The following KBTBD11 variants were observed in gnomAD, a reference collection of about 807,000 sequenced individuals.
The protein encoded by KBTBD11 is kelch repeat and BTB domain containing 11, also known as kelch repeat and BTB domain-containing protein 11.
For missense variants in KBTBD11, 1,390 were observed against 1,001.8 expected, an observed-to-expected ratio of 1.39 and a Z score of -5.23; for synonymous variants, 747 against 499.0, an observed-to-expected ratio of 1.50 and a Z score of -6.63.
intron 1 of KBTBD11, among the ~76,000 whole-genome samples, chr8:1,982,745 CTTT>C (rs869039541): frequency 1.4e-5 from 2 of 141,590 alleles, no homozygotes; most frequent in Non-Finnish European, 1.6e-5. Flanking sequence ...TTGCTGAGCA[CTTT>C]TTTTTTTTTT....
At chr8:1,986,487 C>G (rs935860504) in intron 1 of KBTBD11, among the ~76,000 whole-genome samples, 1 of 152,170 alleles carries the variant, frequency 6.6e-6, no homozygotes, top group African/African-American at 2.4e-5. Flanking sequence ...TGTTTGTAAT[C>G]TTGGACAAGT....
intron 1 of KBTBD11, among the ~76,000 whole-genome samples, chr8:1,983,963 C>G (rs7460810): frequency 6.6e-6 from 1 of 152,116 alleles, no homozygotes; most frequent in South Asian, 2.1e-4. Flanking sequence ...AGCTCCGTCT[C>G]TACTAAAAAT....
Position 2,002,839 on chromosome 8 carries a change from C to A in KBTBD11, c.1647C>A (p.Gly549=). The change falls in exon 2 of 2, where the codon GGC becomes GGA. Residue 549 remains glycine (G), a synonymous_variant. Transcript: ENST00000320248. The surrounding 1 kb of genome is among the most constrained non-coding windows in gnomAD (Gnocchi z 4.1). ...TGCGCCTCCCCGGCGGCCCCACGGG[C>A]CTGCAGCCCTTCCGCTGCGCCGCCC... is the stretch of plus-strand genomic sequence containing the variant. ...APLRLPGGPT[G]LQPFRCAALD... 3.5e-6 allele frequency: 5 copies of A among 1,409,296 alleles called. No homozygotes were observed. The highest frequency in any genetic ancestry group is 4.6e-6 in the Non-Finnish European group (5 of 1,091,646). The allele number at this position is 1,409,296 out of a possible 1,614,324, so 87.3% of individuals were successfully genotyped here. A position where few individuals can be genotyped will look rare whatever the true frequency, so the allele number is the denominator to read the frequency against.
In KBTBD11 at chr8:2,002,309, G is replaced by C. The variant is rs1161290017; in HGVS notation, c.1117G>C (p.Asp373His). The change falls in exon 2 of 2, where the codon GAC becomes CAC. Residue 373 changes from aspartate to histidine, a missense_variant. Physicochemically the swap from Asp to His is moderately conservative, Grantham distance 81 (BLOSUM62 -1). Coordinates refer to ENST00000320248, the MANE Select transcript of KBTBD11 (RefSeq NM_014867.3). This position sits in a 1 kb window ranked among gnomAD's most constrained non-coding sequence, Gnocchi z 4.1. ...GGGCGGCGTGGCGCCCGCGGGCCCC[G>C]ACGGCCGCGCGCGCCCGTCCGACCA... ...VAGGVAPAGP[D>H]GRARPSDQVF... The C allele has an allele frequency of 7.5e-6, 10 of 1,336,596 alleles. No homozygotes were observed. The highest frequency in any genetic ancestry group is 9.5e-6 in the Non-Finnish European group (10 of 1,051,322). 82.8% of individuals were successfully genotyped at this position (1,336,596 alleles called of 1,614,324 possible).
Position 2,004,371 on chromosome 8 carries a change from C to T in KBTBD11, c.*1307C>T, listed in dbSNP as rs1382709096. On this transcript the variant is annotated 3_prime_UTR_variant, in exon 2 of 2. Coordinates refer to ENST00000320248, the MANE Select transcript of KBTBD11 (RefSeq NM_014867.3). ...TGACTTTGAGGATGAGATCCATGCT[C>T]ACAAATAGAGGCGAACATTTGAACT... 1.2e-5 allele frequency: 2 copies of T among 166,822 alleles called. No individual in the cohort carries two copies. Among genetic ancestry groups the T allele is most frequent in the Admixed American group, 6.5e-5 (1 of 15,280 alleles). 10.3% of individuals were successfully genotyped at this position (166,822 alleles called of 1,614,324 possible). A position where few individuals can be genotyped will look rare whatever the true frequency, so the allele number is the denominator to read the frequency against.
At chr8:1,984,457 T>G (rs905084025) in intron 1 of KBTBD11, among the ~76,000 whole-genome samples, 3 of 151,846 alleles carry the variant, frequency 2.0e-5, no homozygotes, top group East Asian at 1.9e-4. Flanking sequence ...CTGGCTAATT[T>G]TTTGTGTTTT....
rs1279906305 is a variant in KBTBD11, at chr8:2,002,685, T to C, written c.1493T>C (p.Leu498Pro). ...GAGCGCTCGGCCGACATGGTGGCTC[T>C]CGACGGCTTCATCTACCGCTTCGAT... ...SRERSADMVA[L>P]DGFIYRFDLS... The change falls in exon 2 of 2, where the codon CTC (leucine) becomes CCC (proline). Residue 498 changes from leucine (L) to proline (P), a missense_variant. By Grantham distance (98) the Leu-to-Pro change is moderately conservative. Transcript: ENST00000320248. This position sits in a 1 kb window ranked among gnomAD's most constrained non-coding sequence, Gnocchi z 4.1. 6.4e-7 allele frequency: 1 copy of C among 1,559,638 alleles called. No individual in the cohort carries two copies. The highest frequency in any genetic ancestry group is 8.6e-7 in the Non-Finnish European group (1 of 1,162,008).
rs1280189447 is a variant in KBTBD11, at chr8:2,000,314, A to G, written c.-879A>G. ...AAGAGTGTGGTGAGAGGACGCGGAA[A>G]CACCTGATATCCCAGCAAAGGAAGC... On this transcript the variant is annotated 5_prime_UTR_variant, in exon 2 of 2. Transcript: ENST00000320248. 1 of 152,236 alleles carries G rather than the reference A, an allele frequency of 6.6e-6. No homozygotes were observed. The highest frequency in any genetic ancestry group is 1.5e-5 in the Non-Finnish European group (1 of 68,054). 9.4% of individuals were successfully genotyped at this position (152,236 alleles called of 1,614,324 possible).
intron 1 of KBTBD11, among the ~76,000 whole-genome samples, chr8:1,979,818 G>A (rs576420172): frequency 2.0e-5 from 3 of 152,236 alleles, no homozygotes; most frequent in African/African-American, 7.2e-5. Context: ...TGGCAGCCTC[G>A]GGACAGGGCT....
intron 1 of KBTBD11, among the ~76,000 whole-genome samples, chr8:1,987,764 G>C (rs1437620428): frequency 6.9e-6 from 1 of 144,302 alleles, no homozygotes; most frequent in Non-Finnish European, 1.6e-5. Context: ...TTAAGTTCTA[G>C]GGTACATGTG....
intron 1 of KBTBD11, among the ~76,000 whole-genome samples, chr8:1,978,733 G>T (rs982938401): frequency 6.6e-6 from 1 of 152,196 alleles, no homozygotes; most frequent in Non-Finnish European, 1.5e-5. Context: ...TGCCGAGCAG[G>T]GTTCATCCAT....
intron 1 of KBTBD11, among the ~76,000 whole-genome samples, chr8:1,986,285 G>A (rs1563366639): frequency 2.0e-5 from 3 of 152,218 alleles, no homozygotes; most frequent in Admixed American, 6.5e-5. Context: ...GAATCCTGCT[G>A]ACAGTTTTGA....
intron 1 of KBTBD11, among the ~76,000 whole-genome samples, chr8:1,980,960 C>A (rs1478389051): frequency 6.6e-6 from 1 of 152,180 alleles, no homozygotes; most frequent in South Asian, 2.1e-4. Context: ...CAGACTTCTT[C>A]TCAGCTTGTT....
chr8:1,994,482 C>T (rs1362842834), intron 1 of KBTBD11, among the ~76,000 whole-genome samples: 1 of 152,244 alleles, frequency 6.6e-6, no homozygotes, highest in African/African-American at 2.4e-5. Flanking sequence ...GGCACGGTGG[C>T]TGATGGCGTG....
At chr8:1,979,187 G>A (rs12679875) in intron 1 of KBTBD11, among the ~76,000 whole-genome samples, 1 of 152,184 alleles carries the variant, frequency 6.6e-6, no homozygotes, top group South Asian at 2.1e-4. Context: ...AGGCTGGATA[G>A]CCAGGGAAGT....
rs1253752374 is a variant in KBTBD11, at chr8:2,006,053, G to A, written c.*2989G>A. 1 of 167,096 alleles carries A rather than the reference G, an allele frequency of 6.0e-6. No homozygotes were observed. The highest frequency in any genetic ancestry group is 1.5e-5 in the Non-Finnish European group (1 of 68,126). 10.4% of individuals were successfully genotyped at this position (167,096 alleles called of 1,614,324 possible). A position where few individuals can be genotyped will look rare whatever the true frequency, so the allele number is the denominator to read the frequency against. On this transcript the variant is annotated 3_prime_UTR_variant, in exon 2 of 2. Transcript: ENST00000320248. ...ACTTCGGGATTTGGTTTCTGAGTCT[G>A]TGGAGGCACCGACTTCTGCTGTAAG...
chr8:1,973,963 C>T (rs2129306113), intron 1 of KBTBD11, 28 bp downstream of exon 1: 1 of 972,058 alleles, frequency 1.0e-6, no homozygotes, highest in Non-Finnish European at 1.2e-6. Context: ...GAGGCAGCGG[C>T]GGGGCCTGGC....
chr8:1,973,719 G>T lies in KBTBD11; in HGVS notation c.-1125G>T, dbSNP rs1035955696. On this transcript the variant is annotated 5_prime_UTR_variant, in exon 1 of 2. Transcript: ENST00000320248. ...CTCGCAGCCTGGAGCCGGAGCGCTG[G>T]CTCCGCGCGGCCTGGAGAGGCGGAG... 2 of 983,830 alleles carry T rather than the reference G, an allele frequency of 2.0e-6. No homozygotes were observed. The highest frequency in any genetic ancestry group is 1.0e-3 in the Middle Eastern group (2 of 1,910). The allele number at this position is 983,830 out of a possible 1,614,324, so 60.9% of individuals were successfully genotyped here. A position where few individuals can be genotyped will look rare whatever the true frequency, so the allele number is the denominator to read the frequency against.
At chr8:1,979,695 C>T (rs1234336424) in intron 1 of KBTBD11, among the ~76,000 whole-genome samples, 1 of 152,214 alleles carries the variant, frequency 6.6e-6, no homozygotes, top group Non-Finnish European at 1.5e-5. Flanking sequence ...TGTGGCCTAG[C>T]CAAGGGGACA....
Sources: allele counts gnomAD v4.1 joint callset (sites outside exome capture counted in the v4.1 genomes callset), GRCh38; gene constraint gnomAD v4.1.1; non-coding constraint Gnocchi (gnomAD v3.1); transcripts MANE v1.5; gene names NCBI Gene and HGNC (gene_info 2026-07-23, HGNC 2026-07-21).